KALRN: variants seen among roughly 807,000 people sequenced by gnomAD.
KALRN encodes the protein kalirin.
In KALRN, 70 loss-of-function variants were observed where a neutral mutation model predicts 353.7. The ratio of observed to expected loss-of-function variants is 0.20; its 90% CI spans 0.16 to 0.24. The LOEUF (loss-of-function observed/expected upper bound fraction) is 0.24. Ranked by LOEUF, KALRN falls within the 10% of genes least tolerant of loss-of-function variation. The pLI, the probability that KALRN is intolerant of heterozygous loss-of-function variation, is 1.00. For missense variants in KALRN, 2,791 were observed against 3,756.7 expected (o/e 0.74, Z 6.72); for synonymous variants, 1,391 against 1,434.8 (o/e 0.97, Z 0.69).
intron 34 of KALRN, among the ~76,000 whole-genome samples, chr3:124,622,878 T>C (rs1221599155): frequency 6.6e-6 from 1 of 152,190 alleles, no homozygotes; most frequent in African/African-American, 2.4e-5. Flanking sequence ...CAGTGTGTTC[T>C]GATTTCAGAA....
At position 124,334,349 on chromosome 3, in the gene KALRN, A is replaced by T; in HGVS notation, c.1501A>T (p.Asn501Tyr). The change falls in exon 9 of 60, where the codon AAC becomes TAC. Residue 501 changes from asparagine (N) to tyrosine (Y), a missense_variant. By Grantham distance (143) the Asn-to-Tyr change is moderately radical. Transcript: ENST00000682506. This position sits in a 1 kb window ranked among gnomAD's most constrained non-coding sequence, Gnocchi z 4.2. ...GNSESLTATA[N>Y]YSKAVHQVLD... Reference sequence around the variant, plus strand: ...CTCCGAATCCCTCACGGCCACAGCCAACTACTCCAAGGCAGTGCACCAGGT... The same window carrying T: ...CTCCGAATCCCTCACGGCCACAGCCTACTACTCCAAGGCAGTGCACCAGGT... 6.2e-7 allele frequency: 1 copy of T among 1,614,240 alleles called. No individual in the cohort carries two copies. Among genetic ancestry groups the T allele is most frequent in the Non-Finnish European group, 8.5e-7 (1 of 1,180,044 alleles).
At chr3:124,251,840 T>C (rs1174884060) in intron 3 of KALRN, among the ~76,000 whole-genome samples, 1 of 152,206 alleles carries the variant, frequency 6.6e-6, no homozygotes, top group Admixed American at 6.5e-5. Flanking sequence ...TCTGTGCTAT[T>C]GAATACTTTA....
chr3:124,085,116 C>G (rs1353329741), intron 1 of KALRN, among the ~76,000 whole-genome samples: 1 of 152,200 alleles, frequency 6.6e-6, no homozygotes, highest in African/African-American at 2.4e-5. Context: ...GGTTTTAAAG[C>G]TTGAGGTTTG....
chr3:124,065,800 T>C (rs1035339902), intron 1 of KALRN, among the ~76,000 whole-genome samples: 3 of 152,200 alleles, frequency 2.0e-5, no homozygotes, highest in Non-Finnish European at 4.4e-5. Flanking sequence ...GTATAACACA[T>C]GGAATGCTTA....
intron 34 of KALRN, among the ~76,000 whole-genome samples, chr3:124,578,183 G>A (rs1279198134): frequency 6.6e-6 from 1 of 152,184 alleles, no homozygotes; most frequent in Non-Finnish European, 1.5e-5. Flanking sequence ...CCCATGTATA[G>A]GTTAGCTTAG....
chr3:124,490,402 T>A (rs938045162), intron 29 of KALRN, among the ~76,000 whole-genome samples: 5 of 152,164 alleles, frequency 3.3e-5, no homozygotes, highest in Admixed American at 2.0e-4. Flanking sequence ...GGAGGCCAAC[T>A]GTGGGTGTGT....
At chr3:124,509,865 T>C (rs1168158242) in intron 33 of KALRN, among the ~76,000 whole-genome samples, 4 of 152,216 alleles carry the variant, frequency 2.6e-5, no homozygotes, top group Non-Finnish European at 5.9e-5. Context: ...ATCCTTATGA[T>C]CTTTGCCATC....
intron 5 of KALRN, among the ~76,000 whole-genome samples, chr3:124,296,785 GTT>G (rs2076881259): frequency 6.6e-6 from 1 of 152,226 alleles, no homozygotes; most frequent in Non-Finnish European, 1.5e-5. Flanking sequence ...GGCTATCCCA[GTT>G]CTGTCGCTTT....
intron 1 of KALRN, among the ~76,000 whole-genome samples, chr3:124,078,588 AG>A (rs956416833): frequency 1.3e-5 from 2 of 151,988 alleles, no homozygotes; most frequent in Non-Finnish European, 2.9e-5. Flanking sequence ...GACACTGAGG[AG>A]GATATGGGAG....
intron 1 of KALRN, among the ~76,000 whole-genome samples, chr3:124,116,683 C>T (rs1437403500): frequency 2.6e-5 from 4 of 152,116 alleles, no homozygotes; most frequent in Non-Finnish European, 4.4e-5. Flanking sequence ...TATGTTTTTT[C>T]CCTGTATGTT....
At chr3:124,342,640 CAATTTAT>C (rs1346420352) in intron 9 of KALRN, among the ~76,000 whole-genome samples, 4 of 152,154 alleles carry the variant, frequency 2.6e-5, no homozygotes, top group Non-Finnish European at 5.9e-5. Flanking sequence ...GCTAGATTAA[CAATTTAT>C]AATTTATTTT....
rs563371165 is a variant in KALRN at position 124,708,298 on chromosome 3, A to T, written c.8076-4637A>T. Among the ~76,000 whole-genome samples, 6 of 152,360 alleles carry T rather than the reference A, an allele frequency of 3.9e-5. No individual in the cohort carries two copies. In the South Asian group the frequency reaches 1.2e-3, roughly 32 times the overall value. ...TTCTCGGGAAGAAAACAATCAACAG[A>T]TGCCAGCTCTGACATGATCCAAATA... On this transcript the variant is annotated intron_variant, in intron 57 of 59. Coordinates refer to ENST00000682506, the MANE Select transcript of KALRN (RefSeq NM_001388419.1).
At chr3:124,430,852 T>C (rs1560916299) in intron 16 of KALRN, 77 bp downstream of exon 16, 2 of 1,512,374 alleles carry the variant, frequency 1.3e-6, no homozygotes, top group East Asian at 2.4e-5. Flanking sequence ...TTCTCAGGTG[T>C]GGGTGTTCCT....
intron 34 of KALRN, among the ~76,000 whole-genome samples, chr3:124,600,073 T>C (rs1411842838): frequency 1.3e-5 from 2 of 152,200 alleles, no homozygotes; most frequent in Non-Finnish European, 2.9e-5. Context: ...GTGTAGGAGT[T>C]AGAAGAGAAA....
chr3:124,433,804 C>A (rs1461813722), intron 16 of KALRN, among the ~76,000 whole-genome samples: 1 of 152,118 alleles, frequency 6.6e-6, no homozygotes, highest in Non-Finnish European at 1.5e-5. Context: ...CAACTGGAAT[C>A]TTTTTCAACT....
intron 15 of KALRN, among the ~76,000 whole-genome samples, chr3:124,424,932 C>T (rs146183628): frequency 5.9e-5 from 9 of 152,286 alleles, no homozygotes; most frequent in Admixed American, 2.6e-4. Flanking sequence ...GCCTAGGCCT[C>T]CTAAATCCAA....
At chr3:124,282,253 G>C (rs960149622) in intron 5 of KALRN, among the ~76,000 whole-genome samples, 1 of 152,092 alleles carries the variant, frequency 6.6e-6, no homozygotes, top group Non-Finnish European at 1.5e-5. Flanking sequence ...AAGAAGGATG[G>C]ATAATTAAAT....
chr3:124,495,980 T>TATATATATATATATAC, intron 32 of KALRN, among the ~76,000 whole-genome samples: 1 of 35,004 alleles, frequency 2.9e-5, no homozygotes, highest in African/African-American at 1.5e-4. Context: ...TATATATATA[T>TATATATATATATATAC]ATATATATAT....
chr3:124,493,238 AG>A (rs2063359054), intron 32 of KALRN, among the ~76,000 whole-genome samples: 1 of 152,212 alleles, frequency 6.6e-6, no homozygotes, highest in African/African-American at 2.4e-5. Context: ...ATTCAAAGAA[AG>A]GGGACTTTAG....
Sources: gnomAD v4.1 joint callset for allele counts (sites outside exome capture counted in the v4.1 genomes callset) on GRCh38, gnomAD v4.1.1 for gene constraint, Gnocchi (gnomAD v3.1) non-coding constraint, MANE v1.5 for transcripts, NCBI Gene and HGNC (gene_info 2026-07-23, HGNC 2026-07-21) for gene names.